IFNAR1: variants seen among roughly 807,000 people sequenced by gnomAD.
IFNAR1 encodes the protein interferon alpha/beta receptor 1.
In IFNAR1, 47 loss-of-function variants were observed where a neutral mutation model predicts 62.1. The ratio of observed to expected loss-of-function variants is 0.76; its 90% confidence interval spans 0.60 to 0.97. IFNAR1 has a LOEUF of 0.97. IFNAR1 is among the 50% of genes least tolerant of loss of function. IFNAR1 has a pLI of 0.00. For missense variants in IFNAR1, 638 were observed against 654.5 expected (o/e 0.97, Z 0.27); for synonymous variants, 219 against 226.9 (o/e 0.97, Z 0.31).
In IFNAR1 at chr21:33,341,128, C is replaced by T; in HGVS notation, c.330C>T (p.Asn110=). ...IKLRIRAEKE[N]TSSWYEVDSF... ...TGCGTATAAGAGCAGAAAAAGAAAA[C>T]ACTTCTTCATGGTATGAGGTTGACT... The change falls in exon 3 of 11, where the codon AAC becomes AAT. Residue 110 remains asparagine, a synonymous_variant. Transcript: ENST00000270139. 1.9e-6 allele frequency: 3 copies of T among 1,613,390 alleles called. No homozygotes were observed. Among genetic ancestry groups the T allele is most frequent in the Non-Finnish European group, 2.5e-6 (3 of 1,179,598 alleles).
intron 3 of IFNAR1, among the ~76,000 whole-genome samples, chr21:33,342,970 C>T (rs954047410): frequency 2.0e-5 from 3 of 152,210 alleles, no homozygotes; most frequent in Admixed American, 1.3e-4. Context: ...ATGTGGTCAT[C>T]ACTCAGTTTT....
chr21:33,334,876 G>A lies in IFNAR1; in HGVS notation c.77-648G>A, dbSNP rs920366088. The A allele has an allele frequency of 8.4e-6, 11 of 1,306,246 alleles. No homozygotes were observed. The African/African-American group carries it at 1.4e-4, about 17-fold the overall frequency. The allele number at this position is 1,306,246 out of a possible 1,614,324, so 80.9% of individuals were successfully genotyped here. A position where few individuals can be genotyped will look rare whatever the true frequency, so the allele number is the denominator to read the frequency against. On this transcript the variant is annotated intron_variant, in intron 1 of 10. Coordinates refer to ENST00000270139, the MANE Select transcript of IFNAR1 (RefSeq NM_000629.3). ...GTTATGATGCAGTTAACACAGAGGG[G>A]AAAGCTGCTGAGATACACTATACTT...
chr21:33,353,501 G>A (rs914142), intron 9 of IFNAR1, 137 bp from the exon 10 acceptor site: 410,774 of 534,824 alleles, frequency 0.77, 159,019 homozygotes, highest in East Asian at 0.99. Flanking sequence ...ACTCAGTGCT[G>A]CCAGAAATAT....
chr21:33,326,052 A>G (rs914220333), intron 1 of IFNAR1, among the ~76,000 whole-genome samples: 5 of 152,262 alleles, frequency 3.3e-5, no homozygotes, highest in Non-Finnish European at 1.5e-5. Flanking sequence ...AGAAATAATC[A>G]TGTTCAAAAC....
intron 1 of IFNAR1, among the ~76,000 whole-genome samples, chr21:33,326,619 A>G (rs2226299): frequency 0.84 from 127,175 of 152,132 alleles, 53,561 homozygotes; most frequent in African/African-American, 0.93. Flanking sequence ...ATGATCTGTC[A>G]GGGTAGCCCT....
chr21:33,328,416 C>T (rs903765621), intron 1 of IFNAR1, among the ~76,000 whole-genome samples: 1 of 152,126 alleles, frequency 6.6e-6, no homozygotes, highest in Non-Finnish European at 1.5e-5. Context: ...AGTAGTTTTT[C>T]AGGTTAGCTT....
At chr21:33,329,464 A>G (rs1391044712) in intron 1 of IFNAR1, among the ~76,000 whole-genome samples, 3 of 151,886 alleles carry the variant, frequency 2.0e-5, no homozygotes, top group African/African-American at 7.3e-5. Flanking sequence ...GTACCACATT[A>G]AGTTTAAAAA....
intron 6 of IFNAR1, among the ~76,000 whole-genome samples, chr21:33,347,429 C>T (rs11700514): frequency 0.21 from 32,599 of 152,060 alleles, 3,926 homozygotes; most frequent in Non-Finnish European, 0.27. Context: ...CGCGCTCAGC[C>T]ATTTTTTTTG....
At chr21:33,331,350 G>C (rs1050458550) in intron 1 of IFNAR1, among the ~76,000 whole-genome samples, 5 of 152,122 alleles carry the variant, frequency 3.3e-5, no homozygotes, top group Non-Finnish European at 5.9e-5. Context: ...CCGGGCCTCA[G>C]CTGAAGGAGC....
intron 1 of IFNAR1, among the ~76,000 whole-genome samples, chr21:33,330,884 A>G (rs2083171705): frequency 6.6e-6 from 1 of 152,168 alleles, no homozygotes; most frequent in Non-Finnish European, 1.5e-5. Flanking sequence ...CTTAGAGTCC[A>G]GACAGCAACT....
At chr21:33,348,424 A>G (rs1448900225) in intron 6 of IFNAR1, among the ~76,000 whole-genome samples, 2 of 152,246 alleles carry the variant, frequency 1.3e-5, no homozygotes, top group Non-Finnish European at 2.9e-5. Context: ...AAGAGCTTAG[A>G]AAATAAAATG....
At chr21:33,324,955 C>T (rs1448699652), upstream of IFNAR1, 36 of 995,148 alleles carry the variant, frequency 3.6e-5, no homozygotes, top group Middle Eastern at 9.4e-4. Context: ...AGGGGCAGCG[C>T]GTGTGCAGAG....
At chr21:33,345,425 C>T in intron 6 of IFNAR1, 65 bp downstream of exon 6, 1 of 852,970 alleles carries the variant, frequency 1.2e-6, no homozygotes, top group South Asian at 1.4e-5. Context: ...TTTCGCTCTG[C>T]ATCAGTCACC....
intron 2 of IFNAR1, among the ~76,000 whole-genome samples, chr21:33,337,590 T>C (rs1345664651): frequency 6.6e-6 from 1 of 152,096 alleles, no homozygotes; most frequent in East Asian, 1.9e-4. Context: ...TCAGTAATTG[T>C]GTATGCATAT....
In IFNAR1 at chr21:33,357,567, C is replaced by T. The variant is rs939484575; in HGVS notation, c.*2018C>T. ...TTTTGAGACAGTCTCATTCTGTTGC[C>T]CAGGCTGGAGTGCAGTGGCTTGATC... On this transcript the variant is annotated 3_prime_UTR_variant, in exon 11 of 11. Coordinates refer to ENST00000270139, the MANE Select transcript of IFNAR1 (RefSeq NM_000629.3). 6.7e-6 allele frequency: 1 copy of T among 149,942 alleles called. No individual in the cohort carries two copies. The highest frequency in any genetic ancestry group is 1.5e-5 in the Non-Finnish European group (1 of 68,054). The allele number at this position is 149,942 out of a possible 1,614,324, so 9.3% of individuals were successfully genotyped here.
intron 1 of IFNAR1, chr21:33,335,037 G>A: frequency 7.5e-7 from 1 of 1,335,828 alleles, no homozygotes; most frequent in Non-Finnish European, 1.1e-6. Context: ...TTGTGATGAT[G>A]TCACCACAAG....
At chr21:33,345,198 A>T in intron 5 of IFNAR1, 48 bp from the exon 6 acceptor site, 1 of 877,042 alleles carries the variant, frequency 1.1e-6, no homozygotes, top group Non-Finnish European at 1.9e-6. Flanking sequence ...CAGTTATCTC[A>T]CTTGAGTAAA....
rs910415664 is a variant in IFNAR1 at position 33,357,284 on chromosome 21, C to T, written c.*1735C>T. The T allele has an allele frequency of 2.6e-5, 4 of 152,186 alleles. No individual in the cohort carries two copies. Among genetic ancestry groups the T allele is most frequent in the Non-Finnish European group, 4.4e-5 (3 of 68,064 alleles). The allele number at this position is 152,186 out of a possible 1,614,324, so 9.4% of individuals were successfully genotyped here. On this transcript the variant is annotated 3_prime_UTR_variant, in exon 11 of 11. Coordinates refer to ENST00000270139, the MANE Select transcript of IFNAR1 (RefSeq NM_000629.3). ...CATTTCTGCTGAAAAAACAGATGATCCTGGTGGAAGAAAAGGTTGAAGGCA... is the reference window on the plus strand; with the variant it reads ...CATTTCTGCTGAAAAAACAGATGATTCTGGTGGAAGAAAAGGTTGAAGGCA...
rs1266203124 is a variant in IFNAR1, at chr21:33,325,023, C to T, written c.-33C>T. 1.3e-6 allele frequency: 2 copies of T among 1,566,842 alleles called. No homozygotes were observed. The highest frequency in any genetic ancestry group is 1.9e-5 in the Admixed American group (1 of 52,796). ...CTGAGAGGAGCTGCGCGTGCGCGAA[C>T]ATGTAACTGGTGGGATCTGCGGCGG... On this transcript the variant is annotated 5_prime_UTR_variant, in exon 1 of 11. Coordinates refer to ENST00000270139, the MANE Select transcript of IFNAR1 (RefSeq NM_000629.3).
Sources: gnomAD v4.1 joint callset for allele counts (sites outside exome capture counted in the v4.1 genomes callset) on GRCh38, gnomAD v4.1.1 for gene constraint, MANE v1.5 for transcripts, NCBI Gene and HGNC (gene_info 2026-07-23, HGNC 2026-07-21) for gene names.